NHEJ1: variants seen among roughly 807,000 people sequenced by gnomAD.
NHEJ1 encodes the protein non-homologous end-joining factor 1.
A neutral mutation model predicts 39.4 loss-of-function variants in NHEJ1; 22 were observed. That is an observed-to-expected ratio of 0.56 (90% confidence interval 0.40 to 0.80). NHEJ1 has a LOEUF of 0.80. Ranked by LOEUF, NHEJ1 falls within the 30% of genes least tolerant of loss-of-function variation. NHEJ1 has a pLI of 0.00. For missense variants in NHEJ1, 329 were observed against 357.1 expected (o/e 0.92, Z 0.63); for synonymous variants, 154 against 135.6 (o/e 1.14, Z -0.94).
At chr2:219,113,132 C>T (rs1288155752) in intron 5 of NHEJ1, among the ~76,000 whole-genome samples, 1 of 152,196 alleles carries the variant, frequency 6.6e-6, no homozygotes, top group Non-Finnish European at 1.5e-5. Flanking sequence ...ACATGTGTCA[C>T]CAGCATCTCT....
At chr2:219,137,570 CAAAAAAAAAAAAAA>C (rs58279021) in intron 5 of NHEJ1, among the ~76,000 whole-genome samples, 1 of 34,726 alleles carries the variant, frequency 2.9e-5, no homozygotes, top group East Asian at 8.5e-4. Flanking sequence ...GTGTTACAGG[CAAAAAAAAAAAAAA>C]AAAAAAAACA....
In NHEJ1 at chr2:219,158,297, G is replaced by C; in HGVS notation, c.66C>G (p.Ser22=). 1 of 1,614,168 alleles carries C rather than the reference G, an allele frequency of 6.2e-7. No homozygotes were observed. The highest frequency in any genetic ancestry group is 8.5e-7 in the Non-Finnish European group (1 of 1,180,036). The change falls in exon 2 of 8, where the codon TCC becomes TCG. Residue 22 remains serine (S), a synonymous_variant. Transcript: ENST00000356853. ...TGGTGATAAAAACCTTGGCCAAGAGGGAGTTCTCTGCAAGCTGTAGCCACG... is the reference window on the plus strand; with the variant it reads ...TGGTGATAAAAACCTTGGCCAAGAGCGAGTTCTCTGCAAGCTGTAGCCACG... ...PWAWLQLAEN[S]LLAKVFITKQ...
At chr2:219,103,004 CAAAAAAA>C (rs34361973) in intron 5 of NHEJ1, among the ~76,000 whole-genome samples, 2 of 31,584 alleles carry the variant, frequency 6.3e-5, no homozygotes, top group African/African-American at 1.9e-4. Context: ...GACTCCGTCT[CAAAAAAA>C]AAAAAAAAAA....
chr2:219,143,260 C>T (rs1218187091), intron 5 of NHEJ1, among the ~76,000 whole-genome samples: 2 of 152,086 alleles, frequency 1.3e-5, no homozygotes, highest in Non-Finnish European at 2.9e-5. Context: ...CCTTCTGTGT[C>T]CTGTTTGTAG....
chr2:219,130,418 A>G (rs1949567166), intron 5 of NHEJ1, among the ~76,000 whole-genome samples: 1 of 151,656 alleles, frequency 6.6e-6, no homozygotes, highest in African/African-American at 2.4e-5. Context: ...ACCCAGAGGT[A>G]TTAGGGCTCT....
At chr2:219,113,041 T>C (rs1048939673) in intron 5 of NHEJ1, among the ~76,000 whole-genome samples, 1 of 152,154 alleles carries the variant, frequency 6.6e-6, no homozygotes, top group Non-Finnish European at 1.5e-5. Context: ...CTTAAAATCA[T>C]GGGGTAGGCA....
intron 5 of NHEJ1, among the ~76,000 whole-genome samples, chr2:219,136,828 C>T (rs547135761): frequency 2.0e-5 from 3 of 152,114 alleles, no homozygotes; most frequent in South Asian, 2.1e-4. Flanking sequence ...ATCTCAAACT[C>T]CCGACCTCAA....
At chr2:219,096,706 T>G (rs1423319955) in intron 5 of NHEJ1, among the ~76,000 whole-genome samples, 2 of 152,100 alleles carry the variant, frequency 1.3e-5, no homozygotes, top group Non-Finnish European at 2.9e-5. Context: ...GCACAAGTGT[T>G]GGGAGCAGAG....
At chr2:219,079,450 A>G (rs1949043371) in intron 5 of NHEJ1, among the ~76,000 whole-genome samples, 1 of 152,222 alleles carries the variant, frequency 6.6e-6, no homozygotes. Context: ...AAAGTGTGAG[A>G]AGCAGGAAAG....
intron 5 of NHEJ1, among the ~76,000 whole-genome samples, chr2:219,085,233 T>A (rs1486767579): frequency 6.6e-6 from 1 of 152,232 alleles, no homozygotes; most frequent in Admixed American, 6.5e-5. Context: ...GTGATATCTA[T>A]ATTTTTAGAA....
intron 5 of NHEJ1, among the ~76,000 whole-genome samples, chr2:219,094,155 C>T (rs919143612): frequency 6.6e-6 from 1 of 152,134 alleles, no homozygotes; most frequent in African/African-American, 2.4e-5. Context: ...TAACCCATGG[C>T]TGGGGTGGTG....
intron 5 of NHEJ1, among the ~76,000 whole-genome samples, chr2:219,083,803 T>C (rs1232696054): frequency 6.6e-6 from 1 of 152,182 alleles, no homozygotes; most frequent in Non-Finnish European, 1.5e-5. Flanking sequence ...CTAAGTGGAC[T>C]CAAGAAGTGC....
chr2:219,079,720 T>C (rs1385672220), intron 5 of NHEJ1, among the ~76,000 whole-genome samples: 1 of 152,172 alleles, frequency 6.6e-6, no homozygotes, highest in East Asian at 1.9e-4. Flanking sequence ...ACACCACCTC[T>C]ACCCTACCTC....
intron 3 of NHEJ1, among the ~76,000 whole-genome samples, chr2:219,153,705 GGA>G (rs71040421): frequency 0.39 from 44,662 of 114,446 alleles, 11,948 homozygotes; most frequent in Non-Finnish European, 0.5. Flanking sequence ...GGGGGGGGGT[GGA>G]GAGAGAGAGA....
chr2:219,074,730 A>C lies in NHEJ1; in HGVS notation c.*1651T>G, dbSNP rs1223492252. Among the ~76,000 whole-genome samples the C allele has an allele frequency of 2.0e-5, 3 of 151,326 alleles. No individual in the cohort carries two copies. Among genetic ancestry groups the C allele is most frequent in the Non-Finnish European group, 2.9e-5 (2 of 67,960 alleles). On this transcript the variant is annotated 3_prime_UTR_variant, in exon 8 of 8. Transcript: ENST00000356853. ...GTACTCCAGCCTAGGCAACAAGAGC[A>C]AGACTCCATTAAAAAAAAAAAAAAG...
At chr2:219,144,937 AGG>A (rs1171980218) in intron 5 of NHEJ1, among the ~76,000 whole-genome samples, 1 of 152,174 alleles carries the variant, frequency 6.6e-6, no homozygotes, top group African/African-American at 2.4e-5. Context: ...TTTCTAGGCT[AGG>A]CATGGTGGCT....
intron 1 of NHEJ1, among the ~76,000 whole-genome samples, chr2:219,159,542 T>TATATATGCATATATATATGC (rs1553549806): frequency 8.7e-5 from 3 of 34,312 alleles, no homozygotes; most frequent in African/African-American, 2.2e-4. Flanking sequence ...TATATGCATA[T>TATATATGCATATATATATGC]ATATATATGC....
At chr2:219,086,767 G>A (rs539334081) in intron 5 of NHEJ1, among the ~76,000 whole-genome samples, 19 of 152,250 alleles carry the variant, frequency 1.2e-4, no homozygotes, top group Admixed American at 5.9e-4. Flanking sequence ...GCTCTCATAA[G>A]AGCCCTTTGT....
chr2:219,073,241 T>C lies in NHEJ1; in HGVS notation c.*3140A>G, dbSNP rs1251374787. The stretch of plus-strand genomic sequence containing the variant: ...TCTCACTCTTCGCCACCTTACACCA[T>C]AGGAATTCGCTTCTCAGGAATCAGG... On this transcript the variant is annotated 3_prime_UTR_variant, in exon 8 of 8. Coordinates refer to ENST00000356853, the MANE Select transcript of NHEJ1 (RefSeq NM_024782.3). Among the ~76,000 whole-genome samples the C allele has an allele frequency of 6.6e-6, 1 of 152,152 alleles. No individual in the cohort carries two copies. The highest frequency in any genetic ancestry group is 2.4e-5 in the African/African-American group (1 of 41,432).
Sources: gnomAD v4.1 joint callset for allele counts (sites outside exome capture counted in the v4.1 genomes callset) on GRCh38, gnomAD v4.1.1 for gene constraint, MANE v1.5 for transcripts, NCBI Gene and HGNC (gene_info 2026-07-23, HGNC 2026-07-21) for gene names.